Variants in PCGF5 observed in about 807,000 individuals in gnomAD.
The protein encoded by PCGF5 is polycomb group ring finger 5.
In PCGF5, 9 loss-of-function variants were observed where a neutral mutation model predicts 44.3. The observed-to-expected ratio is 0.20, with a 90% CI of 0.12 to 0.35. The LOEUF (loss-of-function observed/expected upper bound fraction) is 0.35, where lower values mean the gene tolerates loss of function less well. PCGF5 is among the 10% of genes least tolerant of loss of function. PCGF5 has a pLI of 1.00. For synonymous variants in PCGF5, 95 were observed against 102.5 expected, an observed-to-expected ratio of 0.93 and a Z score of 0.44; for missense variants, 146 against 305.3, an observed-to-expected ratio of 0.48 and a Z score of 3.89.
chr10:91,174,010 A>AT (rs1434754177), intron 1 of PCGF5, among the ~76,000 whole-genome samples: 7 of 151,920 alleles, frequency 4.6e-5, no homozygotes, highest in Non-Finnish European at 1.0e-4. Flanking sequence ...CTTGATAGTT[A>AT]TCAAGGTAAA....
At chr10:91,185,612 A>G (rs929749042) in intron 1 of PCGF5, among the ~76,000 whole-genome samples, 2 of 152,204 alleles carry the variant, frequency 1.3e-5, no homozygotes, top group Admixed American at 1.3e-4. Flanking sequence ...CAGGAAGCCC[A>G]GAGCTGGATT....
intron 2 of PCGF5, among the ~76,000 whole-genome samples, chr10:91,223,773 CT>C (rs1475820409): frequency 1.3e-5 from 2 of 152,058 alleles, no homozygotes; most frequent in African/African-American, 4.8e-5. Flanking sequence ...TTACAATGAC[CT>C]GGGAGCATTT....
intron 1 of PCGF5, among the ~76,000 whole-genome samples, chr10:91,166,205 C>G (rs1255871141): frequency 1.3e-5 from 2 of 152,130 alleles, no homozygotes; most frequent in African/African-American, 4.8e-5. Context: ...CTGAATTAGC[C>G]AGAGCTGCTA....
chr10:91,244,010 C>CT (rs1416792641), intron 3 of PCGF5, among the ~76,000 whole-genome samples: 1 of 152,162 alleles, frequency 6.6e-6, no homozygotes, highest in Admixed American at 6.5e-5. Context: ...ATTCTAGGTG[C>CT]TTGAGGTCCA....
At chr10:91,181,084 A>C (rs1485021916) in intron 1 of PCGF5, among the ~76,000 whole-genome samples, 1 of 152,010 alleles carries the variant, frequency 6.6e-6, no homozygotes, top group Non-Finnish European at 1.5e-5. Context: ...CTGTATTTTT[A>C]GCTATTTTAT....
intron 6 of PCGF5, among the ~76,000 whole-genome samples, chr10:91,255,354 A>G (rs1294033125): frequency 1.3e-5 from 2 of 152,072 alleles, no homozygotes; most frequent in Admixed American, 6.6e-5. Flanking sequence ...CTTGAAATCT[A>G]GAGGGCCACG....
intron 9 of PCGF5, among the ~76,000 whole-genome samples, chr10:91,274,603 CAAAAAA>C (rs1564659283): frequency 6.6e-6 from 1 of 151,742 alleles, no homozygotes; most frequent in Non-Finnish European, 1.5e-5. Flanking sequence ...TGGTAACAGA[CAAAAAA>C]TAAACAGGTT....
chr10:91,270,731 T>C (rs1846158280), intron 8 of PCGF5, among the ~76,000 whole-genome samples: 1 of 152,230 alleles, frequency 6.6e-6, no homozygotes, highest in African/African-American at 2.4e-5. Context: ...CTTTGCTATG[T>C]TAGAAATATC....
intron 1 of PCGF5, among the ~76,000 whole-genome samples, chr10:91,187,455 C>G (rs1345052818): frequency 6.6e-6 from 1 of 151,868 alleles, no homozygotes; most frequent in East Asian, 1.9e-4. Flanking sequence ...CTACTAGATT[C>G]CCAGAGATGA....
intron 2 of PCGF5, among the ~76,000 whole-genome samples, chr10:91,229,543 T>C (rs1330608960): frequency 1.3e-5 from 2 of 152,188 alleles, no homozygotes; most frequent in African/African-American, 4.8e-5. Context: ...CTCAGGTACA[T>C]CTACATAATA....
chr10:91,186,570 G>A (rs146609559), intron 1 of PCGF5, among the ~76,000 whole-genome samples: 10 of 125,334 alleles, frequency 8.0e-5, no homozygotes, highest in South Asian at 3.1e-4. Context: ...GTGTGTGTGT[G>A]TATATATATG....
intron 1 of PCGF5, among the ~76,000 whole-genome samples, chr10:91,183,930 A>G (rs1446444310): frequency 1.3e-5 from 2 of 152,170 alleles, no homozygotes; most frequent in African/African-American, 2.4e-5. Context: ...TGAGAGGTCC[A>G]TTATTAGTCT....
chr10:91,178,426 G>C (rs1843753824), intron 1 of PCGF5, among the ~76,000 whole-genome samples: 1 of 146,640 alleles, frequency 6.8e-6, no homozygotes, highest in Admixed American at 6.9e-5. Context: ...GTCTTGCTCT[G>C]TTGCCCAGGC....
chr10:91,180,139 A>G (rs1038940748), intron 1 of PCGF5, among the ~76,000 whole-genome samples: 1 of 152,080 alleles, frequency 6.6e-6, no homozygotes, highest in African/African-American at 2.4e-5. Context: ...GGCGGCATGT[A>G]TGTCTTCTTT....
intron 6 of PCGF5, among the ~76,000 whole-genome samples, chr10:91,257,367 G>C (rs1455193446): frequency 6.6e-6 from 1 of 152,100 alleles, no homozygotes; most frequent in Admixed American, 6.6e-5. Flanking sequence ...GAAGGTGAAA[G>C]TGCAGCTACT....
At chr10:91,247,192 AAAAC>A (rs1845489241) in intron 3 of PCGF5, among the ~76,000 whole-genome samples, 1 of 152,150 alleles carries the variant, frequency 6.6e-6, no homozygotes, top group Middle Eastern at 3.2e-3. Flanking sequence ...AACATTAAAA[AAAAC>A]AAAGGAAATT....
chr10:91,258,400 G>A (rs1408073442), intron 6 of PCGF5, among the ~76,000 whole-genome samples: 1 of 152,050 alleles, frequency 6.6e-6, no homozygotes, highest in Admixed American at 6.6e-5. Flanking sequence ...GGGACCAGAA[G>A]TTTTTTGGGT....
chr10:91,202,783 A>G (rs944476903), intron 1 of PCGF5, among the ~76,000 whole-genome samples: 2 of 152,168 alleles, frequency 1.3e-5, no homozygotes, highest in African/African-American at 4.8e-5. Flanking sequence ...AAGATTGGCC[A>G]TTTATGCTAT....
chr10:91,166,879 A>G (rs1843510303), intron 1 of PCGF5, among the ~76,000 whole-genome samples: 1 of 152,226 alleles, frequency 6.6e-6, no homozygotes, highest in Admixed American at 6.5e-5. Flanking sequence ...GGCTCTTAAT[A>G]AATGGTAACT....
Sources: allele counts gnomAD v4.1 joint callset (sites outside exome capture counted in the v4.1 genomes callset), GRCh38; gene constraint gnomAD v4.1.1; transcripts MANE v1.5; gene names NCBI Gene and HGNC (gene_info 2026-07-23, HGNC 2026-07-21).